The following PAPPA2 variants were observed in gnomAD, a reference collection of about 807,000 sequenced individuals.
PAPPA2 encodes the protein pappalysin 2, also known as pappalysin-2.
A neutral mutation model predicts 176.4 loss-of-function variants in PAPPA2; 86 were observed. That is an observed-to-expected ratio of 0.49 (90% CI 0.41 to 0.58). The LOEUF (loss-of-function observed/expected upper bound fraction) is 0.58. Among genes scored for constraint, PAPPA2 ranks in the 20% least tolerant of loss-of-function variants. The pLI, the probability that PAPPA2 is intolerant of heterozygous loss-of-function variation, is 0.00. For synonymous variants in PAPPA2, 809 were observed against 852.2 expected, an observed-to-expected ratio of 0.95 and a Z score of 0.88; for missense variants, 2,073 against 2,256.9, an observed-to-expected ratio of 0.92 and a Z score of 1.65.
chr1:176,524,399 G>T (rs1248725804), intron 1 of PAPPA2, among the ~76,000 whole-genome samples: 1 of 152,104 alleles, frequency 6.6e-6, no homozygotes, highest in Non-Finnish European at 1.5e-5. Flanking sequence ...TATATGAGTA[G>T]CACATTTTAA....
chr1:176,558,790 C>T (rs1018981911), intron 2 of PAPPA2, among the ~76,000 whole-genome samples: 1 of 152,150 alleles, frequency 6.6e-6, no homozygotes, highest in African/African-American at 2.4e-5. Context: ...TGTGTGCTTG[C>T]AGTCTAGACT....
chr1:176,538,664 A>G (rs1020289093), intron 1 of PAPPA2, among the ~76,000 whole-genome samples: 1 of 152,054 alleles, frequency 6.6e-6, no homozygotes, highest in Non-Finnish European at 1.5e-5. Flanking sequence ...TCCTTTCCCC[A>G]TCTCCACCCA....
At chr1:176,715,820 A>G (rs191165388) in intron 12 of PAPPA2, among the ~76,000 whole-genome samples, 17 of 152,204 alleles carry the variant, frequency 1.1e-4, no homozygotes, top group Non-Finnish European at 2.1e-4. Context: ...AAACCCTACA[A>G]TCATTAGCCA....
intron 1 of PAPPA2, among the ~76,000 whole-genome samples, chr1:176,487,726 A>G (rs1319665532): frequency 1.3e-5 from 2 of 152,198 alleles, no homozygotes; most frequent in Admixed American, 1.3e-4. Flanking sequence ...GAGGCCAAAG[A>G]CAAATAAAAT....
chr1:176,545,403 C>A (rs1008789030), intron 1 of PAPPA2, among the ~76,000 whole-genome samples: 1 of 149,102 alleles, frequency 6.7e-6, no homozygotes, highest in African/African-American at 2.5e-5. Flanking sequence ...ATGGATTCAA[C>A]CAACCTCAGA....
intron 3 of PAPPA2, among the ~76,000 whole-genome samples, chr1:176,667,082 C>T (rs1298077880): frequency 6.6e-6 from 1 of 151,814 alleles, no homozygotes; most frequent in East Asian, 1.9e-4. Flanking sequence ...CCTGTCTCTA[C>T]TAAAAATACA....
At chr1:176,798,406 T>C (rs993698230) in intron 20 of PAPPA2, among the ~76,000 whole-genome samples, 2 of 152,150 alleles carry the variant, frequency 1.3e-5, no homozygotes, top group Non-Finnish European at 2.9e-5. Context: ...TGGTCTGAAT[T>C]GAATAACTGA....
intron 12 of PAPPA2, among the ~76,000 whole-genome samples, chr1:176,736,367 A>G (rs1033448636): frequency 6.6e-6 from 1 of 151,514 alleles, no homozygotes; most frequent in South Asian, 2.1e-4. Context: ...CTTTTGTACA[A>G]TTCCTTGTAT....
intron 16 of PAPPA2, among the ~76,000 whole-genome samples, chr1:176,770,208 C>G (rs1485672933): frequency 1.3e-5 from 2 of 152,198 alleles, no homozygotes; most frequent in Admixed American, 6.5e-5. Flanking sequence ...GGAGCCTGCT[C>G]TAGCTGATGG....
At chr1:176,818,824 T>A (rs1666515679) in intron 21 of PAPPA2, among the ~76,000 whole-genome samples, 1 of 152,214 alleles carries the variant, frequency 6.6e-6, no homozygotes, top group Non-Finnish European at 1.5e-5. Context: ...TTGCAATGGC[T>A]TACCTAGCCC....
At chr1:176,516,177 T>C (rs1281674076) in intron 1 of PAPPA2, among the ~76,000 whole-genome samples, 6 of 151,800 alleles carry the variant, frequency 4.0e-5, no homozygotes, top group African/African-American at 1.5e-4. Context: ...AATTCAGATC[T>C]CCCCCAAGCT....
intron 12 of PAPPA2, 124 bp from the exon 13 acceptor site, chr1:176,739,502 T>A (rs953855485): frequency 2.2e-5 from 23 of 1,036,706 alleles, no homozygotes; most frequent in Non-Finnish European, 3.0e-5. Flanking sequence ...TTAGCATTTA[T>A]AAAAAAAATG....
chr1:176,706,222 A>G (rs1443331111), intron 9 of PAPPA2, 137 bp from the exon 10 acceptor site: 1 of 652,094 alleles, frequency 1.5e-6, no homozygotes, highest in Admixed American at 3.0e-5. Flanking sequence ...CTGTAAAAGC[A>G]TTCTTCTAGC....
intron 12 of PAPPA2, among the ~76,000 whole-genome samples, chr1:176,731,907 A>G (rs1009056792): frequency 1.3e-5 from 2 of 152,270 alleles, no homozygotes; most frequent in African/African-American, 4.8e-5. Flanking sequence ...GGGTATCTCC[A>G]TGCAATATTT....
chr1:176,836,714 A>C (rs1049605959), intron 21 of PAPPA2: 2 of 152,230 alleles, frequency 1.3e-5, no homozygotes, highest in African/African-American at 2.4e-5. Context: ...GCCAGCTCCT[A>C]AAAGCAGATT....
chr1:176,706,341 A>G lies in PAPPA2; in HGVS notation c.3366-18A>G. ...TTGTGTGTATGTGTTATATATGCAT[A>G]TATATTTTACCCTCTAGGAGACTGG... On this transcript the variant is annotated intron_variant, in intron 9 of 22. Coordinates refer to ENST00000367662, the MANE Select transcript of PAPPA2 (RefSeq NM_020318.3). 2 of 1,607,078 alleles carry G rather than the reference A, an allele frequency of 1.2e-6. No individual in the cohort carries two copies. Among genetic ancestry groups the G allele is most frequent in the South Asian group, 2.2e-5 (2 of 90,834 alleles).
rs1653920890 is a variant in PAPPA2, at chr1:176,595,426, G to C, written c.1822G>C (p.Asp608His). The change falls in exon 3 of 23, where the codon GAT becomes CAT. Residue 608 changes from aspartate (D) to histidine (H), a missense_variant. By Grantham distance (81) the Asp-to-His change is moderately conservative. Coordinates refer to ENST00000367662, the MANE Select transcript of PAPPA2 (RefSeq NM_020318.3). Reference sequence around the variant, plus strand: ...GTGTGAGCACCCACTCACAGGCTATGATGGGGGTGACTGCCGCCTGCAGGG... The same window carrying C: ...GTGTGAGCACCCACTCACAGGCTATCATGGGGGTGACTGCCGCCTGCAGGG... ...PECEHPLTGYDGGDCRLQGRC... is the reference protein window; with the variant it reads ...PECEHPLTGYHGGDCRLQGRC... 2 of 1,614,118 alleles carry C rather than the reference G, an allele frequency of 1.2e-6. No individual in the cohort carries two copies. The highest frequency in any genetic ancestry group is 1.7e-6 in the Non-Finnish European group (2 of 1,180,052).
intron 1 of PAPPA2, among the ~76,000 whole-genome samples, chr1:176,528,162 T>C (rs1444328185): frequency 1.3e-5 from 2 of 152,044 alleles, no homozygotes; most frequent in Non-Finnish European, 2.9e-5. Flanking sequence ...ATTTGAATGG[T>C]TCTGCATTCA....
chr1:176,564,067 G>T (rs1651819819), intron 2 of PAPPA2, among the ~76,000 whole-genome samples: 2 of 151,732 alleles, frequency 1.3e-5, no homozygotes, highest in Non-Finnish European at 2.9e-5. Flanking sequence ...CCTCGGAATT[G>T]TCCCCCCCAG....
Sources: gnomAD v4.1 joint callset for allele counts (sites outside exome capture counted in the v4.1 genomes callset) on GRCh38, gnomAD v4.1.1 for gene constraint, MANE v1.5 for transcripts, NCBI Gene and HGNC (gene_info 2026-07-23, HGNC 2026-07-21) for gene names.